Variants in FARP1 observed in about 807,000 individuals in gnomAD.
The protein encoded by FARP1 is FERM, ARH/RhoGEF and pleckstrin domain protein 1, also known as FERM, ARHGEF and pleckstrin domain-containing protein 1.
In FARP1, 52 loss-of-function variants were observed where a neutral mutation model predicts 128.8. The ratio of observed to expected loss-of-function variants is 0.40; its 90% CI spans 0.32 to 0.51. The LOEUF (loss-of-function observed/expected upper bound fraction) is 0.51, where lower values mean the gene tolerates loss of function less well. Ranked by LOEUF, FARP1 falls within the 20% of genes least tolerant of loss-of-function variation. FARP1 has a pLI of 0.45. For synonymous variants in FARP1, 580 were observed against 551.8 expected (o/e 1.05, Z -0.72); for missense variants, 1,333 against 1,367.9 (o/e 0.97, Z 0.40).
At chr13:98,316,182 A>G (rs1378678018) in intron 2 of FARP1, among the ~76,000 whole-genome samples, 2 of 152,110 alleles carry the variant, frequency 1.3e-5, no homozygotes, top group Admixed American at 1.3e-4. Flanking sequence ...GCTATTTTTA[A>G]CAGTAGAGTG....
At chr13:98,194,930 C>T (rs1171747858) in intron 1 of FARP1, among the ~76,000 whole-genome samples, 1 of 152,216 alleles carries the variant, frequency 6.6e-6, no homozygotes, top group Non-Finnish European at 1.5e-5. Context: ...AGTTTTTATT[C>T]AGAATGTGCT....
intron 1 of FARP1, among the ~76,000 whole-genome samples, chr13:98,147,296 T>G (rs1413802249): frequency 2.0e-5 from 3 of 152,210 alleles, no homozygotes; most frequent in African/African-American, 7.2e-5. Flanking sequence ...GCCTGCAAAC[T>G]GTTAACTCAG....
At chr13:98,408,260 A>G (rs1891052081) in intron 13 of FARP1, among the ~76,000 whole-genome samples, 1 of 149,302 alleles carries the variant, frequency 6.7e-6, no homozygotes. Context: ...GCAAAAGTGT[A>G]TTGGCAAAGA....
intron 2 of FARP1, among the ~76,000 whole-genome samples, chr13:98,259,251 CTA>C (rs1434602615): frequency 1.3e-5 from 2 of 151,606 alleles, no homozygotes; most frequent in African/African-American, 2.4e-5. Context: ...TATTCTCTCT[CTA>C]TGTGTATATA....
At chr13:98,404,884 T>C (rs1301014729) in intron 13 of FARP1, 1 of 152,242 alleles carries the variant, frequency 6.6e-6, no homozygotes, top group Admixed American at 6.5e-5. Context: ...TAAGCATATC[T>C]TGGATTACTA....
Position 98,448,575 on chromosome 13 carries a change from C to T in FARP1, c.*258C>T, listed in dbSNP as rs891800538. 1.2e-4 allele frequency: 53 copies of T among 449,788 alleles called. No individual in the cohort carries two copies. Among genetic ancestry groups the T allele is most frequent in the African/African-American group, 7.4e-4 (37 of 49,872 alleles). The allele number at this position is 449,788 out of a possible 1,614,324, so 27.9% of individuals were successfully genotyped here. On this transcript the variant is annotated 3_prime_UTR_variant, in exon 27 of 27. Transcript: ENST00000319562. ...TGCCAGTATTAAAACATTGTCATTA[C>T]GAGAGTGCCAAATGACATCTTCCCT... is the stretch of plus-strand genomic sequence containing the variant.
At chr13:98,146,905 G>T (rs1875610068) in intron 1 of FARP1, among the ~76,000 whole-genome samples, 1 of 152,196 alleles carries the variant, frequency 6.6e-6, no homozygotes, top group Non-Finnish European at 1.5e-5. Context: ...AGTTTATTCT[G>T]TGGTGGTACT....
chr13:98,220,369 C>G (rs1881346054), intron 2 of FARP1, among the ~76,000 whole-genome samples: 1 of 152,144 alleles, frequency 6.6e-6, no homozygotes, highest in African/African-American at 2.4e-5. Flanking sequence ...TGTGTGTGCC[C>G]AGAACTGCTT....
chr13:98,396,556 A>T, intron 13 of FARP1: 1 of 398,914 alleles, frequency 2.5e-6, no homozygotes, highest in Admixed American at 4.4e-5. Flanking sequence ...TTCCCTAAAG[A>T]TCATCTGTTC....
intron 2 of FARP1, among the ~76,000 whole-genome samples, chr13:98,295,101 ACACATATATC>A (rs1885623365): frequency 4.0e-5 from 1 of 25,232 alleles, no homozygotes; most frequent in East Asian, 1.3e-3. Flanking sequence ...ACACACACAC[ACACATATATC>A]CCCAGGCATT....
intron 1 of FARP1, among the ~76,000 whole-genome samples, chr13:98,157,858 A>C (rs796370898): frequency 3.3e-5 from 5 of 152,336 alleles, no homozygotes; most frequent in African/African-American, 1.2e-4. Flanking sequence ...GAACTCTCTT[A>C]AGTGGTAAAC....
At chr13:98,192,089 TA>T (rs34571770) in intron 1 of FARP1, among the ~76,000 whole-genome samples, 98,001 of 151,086 alleles carry the variant, frequency 0.65, 33,467 homozygotes, top group Non-Finnish European at 0.76. Flanking sequence ...TTAAATTCTT[TA>T]AAAAAAAAAC....
chr13:98,177,195 T>A, intron 1 of FARP1: 1 of 1,580,100 alleles, frequency 6.3e-7, no homozygotes, highest in African/African-American at 1.4e-5. Context: ...ATACCTGGTC[T>A]GCTTGGTCGG....
intron 2 of FARP1, among the ~76,000 whole-genome samples, chr13:98,258,603 C>T (rs561919723): frequency 6.6e-6 from 1 of 152,178 alleles, no homozygotes; most frequent in African/African-American, 2.4e-5. Flanking sequence ...CTTGTGATCA[C>T]AGCATTTTGG....
chr13:98,228,532 C>G (rs111255020), intron 2 of FARP1, among the ~76,000 whole-genome samples: 5 of 151,840 alleles, frequency 3.3e-5, no homozygotes, highest in African/African-American at 4.8e-5. Flanking sequence ...TACCATTCAT[C>G]GCATCATTTG....
chr13:98,155,484 A>G (rs923342481), intron 1 of FARP1, among the ~76,000 whole-genome samples: 4 of 152,082 alleles, frequency 2.6e-5, no homozygotes, highest in African/African-American at 9.7e-5. Context: ...ACCATGAGGA[A>G]ACCAAGGCAA....
intron 2 of FARP1, among the ~76,000 whole-genome samples, chr13:98,271,895 T>C (rs1382730477): frequency 1.3e-5 from 2 of 152,236 alleles, no homozygotes; most frequent in Non-Finnish European, 2.9e-5. Flanking sequence ...GCAATAAATG[T>C]ACGTGTGCAT....
At chr13:98,391,364 A>G (rs1890297102) in intron 11 of FARP1, among the ~76,000 whole-genome samples, 1 of 152,138 alleles carries the variant, frequency 6.6e-6, no homozygotes, top group East Asian at 1.9e-4. Flanking sequence ...CTGCAGCCTC[A>G]GCCTCTGGGA....
chr13:98,300,084 T>G, intron 2 of FARP1, among the ~76,000 whole-genome samples: 1 of 152,142 alleles, frequency 6.6e-6, no homozygotes, highest in East Asian at 1.9e-4. Context: ...TCAGTCCCAG[T>G]AATAGGCCAA....
Sources: gnomAD v4.1 joint callset for allele counts (sites outside exome capture counted in the v4.1 genomes callset) on GRCh38, gnomAD v4.1.1 for gene constraint, MANE v1.5 for transcripts, NCBI Gene and HGNC (gene_info 2026-07-23, HGNC 2026-07-21) for gene names.